The following PITPNM2 variants were observed in gnomAD, a reference collection of about 807,000 sequenced individuals.
The protein encoded by PITPNM2 is phosphatidylinositol transfer protein membrane associated 2, also known as membrane-associated phosphatidylinositol transfer protein 2.
PITPNM2 carries 35 observed loss-of-function variants against 132.2 expected under a neutral mutation model. The observed-to-expected ratio is 0.26, with a 90% CI of 0.20 to 0.35. PITPNM2 has a LOEUF of 0.35. Ranked by LOEUF, PITPNM2 falls within the 10% of genes least tolerant of loss-of-function variation. The probability of loss-of-function intolerance (pLI) is 1.00; values close to 1 mark genes in which losing one functional copy is unlikely to be tolerated. For synonymous variants in PITPNM2, 738 were observed against 799.2 expected, an observed-to-expected ratio of 0.92 and a Z score of 1.29; for missense variants, 1,332 against 1,912.0, an observed-to-expected ratio of 0.70 and a Z score of 5.66.
chr12:123,016,267 A>C (rs1004284598), intron 3 of PITPNM2, among the ~76,000 whole-genome samples: 1 of 151,488 alleles, frequency 6.6e-6, no homozygotes, highest in African/African-American at 2.4e-5. Flanking sequence ...CAGAGGTTGC[A>C]GTGAGCCAAG....
intron 2 of PITPNM2, among the ~76,000 whole-genome samples, chr12:123,094,878 C>T (rs1489337504): frequency 2.0e-5 from 3 of 152,230 alleles, no homozygotes; most frequent in African/African-American, 2.4e-5. Flanking sequence ...ACCCCCAGGG[C>T]AAGACTGCAG....
intron 8 of PITPNM2, among the ~76,000 whole-genome samples, chr12:123,003,676 G>T (rs978134210): frequency 1.1e-4 from 16 of 152,262 alleles, no homozygotes; most frequent in African/African-American, 3.6e-4. Flanking sequence ...TGCTGCCTGT[G>T]TCTGCTGAGT....
chr12:123,034,356 C>G, intron 3 of PITPNM2, 157 bp downstream of exon 3: 1 of 666,580 alleles, frequency 1.5e-6, no homozygotes, highest in East Asian at 2.7e-5. Context: ...GGCATCGTGC[C>G]TAGAGGCCAG....
At chr12:123,046,602 C>T (rs962478281) in intron 2 of PITPNM2, among the ~76,000 whole-genome samples, 9 of 152,132 alleles carry the variant, frequency 5.9e-5, no homozygotes, top group Non-Finnish European at 7.3e-5. Flanking sequence ...AGTCACTTCC[C>T]GTTGCCCCAG....
At chr12:123,105,331 G>A (rs1224152510) in intron 2 of PITPNM2, 1 of 152,182 alleles carries the variant, frequency 6.6e-6, no homozygotes, top group Non-Finnish European at 1.5e-5. Flanking sequence ...TTTATGCCCA[G>A]CTCCTAGAAT....
chr12:123,056,126 C>A (rs2041017824), intron 2 of PITPNM2, among the ~76,000 whole-genome samples: 1 of 152,204 alleles, frequency 6.6e-6, no homozygotes, highest in Non-Finnish European at 1.5e-5. Flanking sequence ...AGGAGCCCTG[C>A]AGCTTGAGTT....
intron 3 of PITPNM2, among the ~76,000 whole-genome samples, chr12:123,018,486 C>A (rs12312372): frequency 0.091 from 13,829 of 151,438 alleles, 2,123 homozygotes; most frequent in African/African-American, 0.32. Context: ...GTAAAGACAG[C>A]GTTTTGCCAT....
At chr12:123,060,038 C>G (rs1037885316) in intron 2 of PITPNM2, among the ~76,000 whole-genome samples, 1 of 152,050 alleles carries the variant, frequency 6.6e-6, no homozygotes, top group African/African-American at 2.4e-5. Flanking sequence ...CTTTTTTTCT[C>G]CAAGTCCTGG....
chr12:123,007,235 G>A (rs776836390), intron 6 of PITPNM2, among the ~76,000 whole-genome samples: 5 of 152,154 alleles, frequency 3.3e-5, no homozygotes, highest in Non-Finnish European at 5.9e-5. Flanking sequence ...ATGGATGCAC[G>A]CGTGGGGGCT....
chr12:123,076,980 G>A (rs1287661323), intron 2 of PITPNM2, among the ~76,000 whole-genome samples: 1 of 152,188 alleles, frequency 6.6e-6, no homozygotes, highest in Admixed American at 6.5e-5. Context: ...ATGGGTCGGA[G>A]TGTGTCTCCC....
At position 123,075,013 on chromosome 12, in the gene PITPNM2, TG is replaced by T. The variant is rs530498149; in HGVS notation, c.-96+35371del. On this transcript the variant is annotated intron_variant, in intron 2 of 25. Transcript: ENST00000320201. Reference sequence around the variant, plus strand: ...GAATGCCAAATGGTAGGTACACCCCTGCTAGCAGGCAGGGAAAACATATTTG... The same window carrying T: ...GAATGCCAAATGGTAGGTACACCCCTCTAGCAGGCAGGGAAAACATATTTG... Among the ~76,000 whole-genome samples the T allele has an allele frequency of 3.3e-5, 5 of 152,352 alleles. No individual in the cohort carries two copies. The East Asian group carries it at 9.7e-4, about 29-fold the overall frequency.
chr12:123,021,707 C>A (rs1298335142), intron 3 of PITPNM2: 2 of 985,204 alleles, frequency 2.0e-6, no homozygotes, highest in Non-Finnish European at 2.4e-6. Context: ...CCAAGAGGGG[C>A]TCCCTCTCAG....
chr12:123,050,558 T>C (rs2040824857), intron 2 of PITPNM2, among the ~76,000 whole-genome samples: 1 of 152,074 alleles, frequency 6.6e-6, no homozygotes, highest in Non-Finnish European at 1.5e-5. Context: ...AATGCTTAAC[T>C]CAGAAGGGAG....
chr12:122,995,723 C>T (rs2038399922), intron 13 of PITPNM2, 63 bp from the exon 14 acceptor site: 1 of 1,491,144 alleles, frequency 6.7e-7, no homozygotes, highest in Admixed American at 2.1e-5. Context: ...TCTCCAGTGT[C>T]CTGGAAGCTG....
intron 8 of PITPNM2, among the ~76,000 whole-genome samples, chr12:123,003,019 G>A (rs1352889307): frequency 1.3e-5 from 2 of 152,184 alleles, no homozygotes; most frequent in African/African-American, 2.4e-5. Context: ...GATTACAGGT[G>A]TGAGCCACTG....
intron 1 of PITPNM2, among the ~76,000 whole-genome samples, chr12:123,134,994 G>A (rs1476652211): frequency 1.3e-5 from 2 of 152,156 alleles, no homozygotes; most frequent in East Asian, 1.9e-4. Context: ...TCAGCTGCAC[G>A]ATAGATCATG....
At chr12:123,030,482 A>G (rs990145747) in intron 3 of PITPNM2, among the ~76,000 whole-genome samples, 1 of 152,162 alleles carries the variant, frequency 6.6e-6, no homozygotes, top group African/African-American at 2.4e-5. Context: ...TCACGAGGTC[A>G]GGAGCTCGAG....
intron 2 of PITPNM2, among the ~76,000 whole-genome samples, chr12:123,075,227 G>A (rs2041747721): frequency 6.6e-6 from 1 of 152,262 alleles, no homozygotes. Flanking sequence ...ACTCACAAGA[G>A]AGACTGGGGG....
At position 123,014,110 on chromosome 12, in the gene PITPNM2, G is replaced by T. The variant is rs1454959012; in HGVS notation, c.79-68C>A. On this transcript the variant is annotated intron_variant, in intron 3 of 25. Coordinates refer to ENST00000320201, the MANE Select transcript of PITPNM2 (RefSeq NM_020845.3). The stretch of plus-strand genomic sequence containing the variant: ...ACTCTTCAGGAGGGAAGGGGCACAG[G>T]AGACTGGGCCCAGGGGTGTGGAAAG... 7.2e-6 allele frequency: 11 copies of T among 1,535,080 alleles called. No homozygotes were observed. In the South Asian group the frequency reaches 1.3e-4, roughly 18 times the overall value.
Sources: allele counts gnomAD v4.1 joint callset (sites outside exome capture counted in the v4.1 genomes callset), GRCh38; gene constraint gnomAD v4.1.1; transcripts MANE v1.5; gene names NCBI Gene and HGNC (gene_info 2026-07-23, HGNC 2026-07-21).